Variants in IQGAP2 observed in about 807,000 individuals in gnomAD.
The protein encoded by IQGAP2 is IQ motif containing GTPase activating protein 2, also known as ras GTPase-activating-like protein IQGAP2.
In IQGAP2, 173 loss-of-function variants were observed where a neutral mutation model predicts 201.3. The observed-to-expected ratio is 0.86, with a 90% CI of 0.76 to 0.98. The LOEUF is 0.98. Among genes scored for constraint, IQGAP2 ranks in the 50% least tolerant of loss-of-function variants. The pLI is 0.00. For synonymous variants in IQGAP2, 675 were observed against 673.9 expected (o/e 1.00, Z -0.03); for missense variants, 1,687 against 1,864.8 (o/e 0.90, Z 1.76).
At chr5:76,663,336 T>C (rs1401981875) in intron 21 of IQGAP2, among the ~76,000 whole-genome samples, 1 of 152,188 alleles carries the variant, frequency 6.6e-6, no homozygotes, top group Non-Finnish European at 1.5e-5. Flanking sequence ...AATAGAGTCC[T>C]CACGTGGAGG....
chr5:76,667,529 AG>A (rs1743890063), intron 22 of IQGAP2, among the ~76,000 whole-genome samples: 3 of 152,210 alleles, frequency 2.0e-5, no homozygotes. Context: ...TGGTAGGTGT[AG>A]CTGCTGGAGA....
At chr5:76,489,864 T>A (rs1358612706) in intron 2 of IQGAP2, among the ~76,000 whole-genome samples, 1 of 152,204 alleles carries the variant, frequency 6.6e-6, no homozygotes, top group African/African-American at 2.4e-5. Context: ...CTCATTTCCC[T>A]TTTCACCTCC....
At chr5:76,633,647 A>G (rs935672595) in intron 15 of IQGAP2, among the ~76,000 whole-genome samples, 14 of 152,146 alleles carry the variant, frequency 9.2e-5, no homozygotes, top group African/African-American at 1.4e-4. Flanking sequence ...ATTCCAGAAC[A>G]TTTTCATCAC....
intron 4 of IQGAP2, among the ~76,000 whole-genome samples, chr5:76,572,605 T>C (rs755910519): frequency 3.3e-5 from 5 of 151,732 alleles, no homozygotes; most frequent in Admixed American, 1.3e-4. Flanking sequence ...ACCTGGCTAT[T>C]TTTTGTATTT....
At chr5:76,431,406 AACTTT>A (rs1442498653) in intron 1 of IQGAP2, among the ~76,000 whole-genome samples, 4 of 152,244 alleles carry the variant, frequency 2.6e-5, no homozygotes, top group South Asian at 2.1e-4. Flanking sequence ...ACTGTTACTG[AACTTT>A]ACTTTCCTAG....
intron 32 of IQGAP2, among the ~76,000 whole-genome samples, chr5:76,697,503 G>A (rs569116654): frequency 6.6e-5 from 10 of 152,244 alleles, no homozygotes; most frequent in Admixed American, 5.9e-4. Flanking sequence ...AATTAGCCAG[G>A]CATATTGGCA....
chr5:76,470,685 A>G (rs1755050989), intron 2 of IQGAP2, among the ~76,000 whole-genome samples: 1 of 152,204 alleles, frequency 6.6e-6, no homozygotes, highest in Non-Finnish European at 1.5e-5. Flanking sequence ...AGCTGAGGCT[A>G]CAGTTGCTTG....
intron 27 of IQGAP2, among the ~76,000 whole-genome samples, chr5:76,676,513 C>T (rs1163129782): frequency 2.0e-5 from 3 of 152,218 alleles, no homozygotes; most frequent in Admixed American, 6.5e-5. Flanking sequence ...AATGTATATT[C>T]GACCTGCACA....
At chr5:76,432,282 G>A (rs1272358756) in intron 1 of IQGAP2, among the ~76,000 whole-genome samples, 3 of 151,802 alleles carry the variant, frequency 2.0e-5, no homozygotes, top group African/African-American at 4.8e-5. Flanking sequence ...GCACCACCAC[G>A]CCAGGCTAAT....
chr5:76,523,252 T>TG (rs1758793177), intron 2 of IQGAP2, among the ~76,000 whole-genome samples: 2 of 151,126 alleles, frequency 1.3e-5, no homozygotes, highest in African/African-American at 4.9e-5. Context: ...ACTCTGCTAA[T>TG]TTAAAAAAAA....
chr5:76,595,317 G>A (rs1746950540), intron 9 of IQGAP2, among the ~76,000 whole-genome samples: 1 of 129,236 alleles, frequency 7.7e-6, no homozygotes, highest in African/African-American at 3.0e-5. Context: ...TTAAACTCTT[G>A]GGCTCAAGTG....
intron 2 of IQGAP2, among the ~76,000 whole-genome samples, chr5:76,555,949 G>A (rs769717545): frequency 6.6e-6 from 1 of 152,184 alleles, no homozygotes; most frequent in African/African-American, 2.4e-5. Flanking sequence ...GTGGGGCTAC[G>A]AATGCAGACT....
At chr5:76,582,920 T>C (rs1745975939) in intron 5 of IQGAP2, among the ~76,000 whole-genome samples, 1 of 152,230 alleles carries the variant, frequency 6.6e-6, no homozygotes, top group African/African-American at 2.4e-5. Flanking sequence ...AATGAGTCGG[T>C]AGCTACCTCT....
intron 2 of IQGAP2, among the ~76,000 whole-genome samples, chr5:76,553,535 GTATGT>G (rs1278276347): frequency 6.6e-6 from 1 of 152,148 alleles, no homozygotes; most frequent in Non-Finnish European, 1.5e-5. Flanking sequence ...AACAACTTTC[GTATGT>G]TCTGCAAGGC....
At chr5:76,633,202 A>G (rs921395150) in intron 15 of IQGAP2, among the ~76,000 whole-genome samples, 1 of 152,210 alleles carries the variant, frequency 6.6e-6, no homozygotes, top group Admixed American at 6.5e-5. Context: ...TATCCAATTC[A>G]GAAACCTAGG....
At chr5:76,626,759 A>G (rs1250505521) in intron 13 of IQGAP2, among the ~76,000 whole-genome samples, 1 of 152,128 alleles carries the variant, frequency 6.6e-6, no homozygotes, top group African/African-American at 2.4e-5. Flanking sequence ...AACCACAATA[A>G]TTGATTGAGG....
intron 2 of IQGAP2, among the ~76,000 whole-genome samples, chr5:76,494,096 T>G (rs1756731804): frequency 6.6e-6 from 1 of 152,136 alleles, no homozygotes. Context: ...AAATTTGTAT[T>G]TTTTTTATTG....
intron 32 of IQGAP2, among the ~76,000 whole-genome samples, chr5:76,696,075 G>C (rs752994956): frequency 3.9e-5 from 6 of 151,910 alleles, no homozygotes; most frequent in Non-Finnish European, 8.8e-5. Context: ...TCCTGACCCG[G>C]TGATCCACCG....
At chr5:76,489,008 C>T (rs1273179645) in intron 2 of IQGAP2, among the ~76,000 whole-genome samples, 1 of 152,214 alleles carries the variant, frequency 6.6e-6, no homozygotes, top group African/African-American at 2.4e-5. Flanking sequence ...TTCAGGGTCA[C>T]ACGACTGGAA....
Sources: allele counts gnomAD v4.1 joint callset (sites outside exome capture counted in the v4.1 genomes callset), GRCh38; gene constraint gnomAD v4.1.1; transcripts MANE v1.5; gene names NCBI Gene and HGNC (gene_info 2026-07-23, HGNC 2026-07-21).